IQCH: variants seen among roughly 807,000 people sequenced by gnomAD.
IQCH encodes the protein IQ domain-containing protein H.
Under a neutral mutation model 117.0 loss-of-function variants are expected in IQCH, and 98 were observed. The ratio of observed to expected loss-of-function variants is 0.84; its 90% confidence interval spans 0.71 to 0.99. The LOEUF (loss-of-function observed/expected upper bound fraction) is 0.99. IQCH is among the 50% of genes least tolerant of loss of function. The pLI is 0.00. For synonymous variants in IQCH, 412 were observed against 448.2 expected (o/e 0.92, Z 1.02); for missense variants, 1,102 against 1,243.8 (o/e 0.89, Z 1.72).
intron 4 of IQCH, among the ~76,000 whole-genome samples, chr15:67,326,586 G>T (rs549238654): frequency 1.8e-4 from 28 of 152,258 alleles, no homozygotes; most frequent in African/African-American, 6.5e-4. Flanking sequence ...CCCACCAGCG[G>T]TGTAAGGGTG....
chr15:67,321,174 TA>T (rs1388905136), intron 4 of IQCH, among the ~76,000 whole-genome samples: 1 of 152,226 alleles, frequency 6.6e-6, no homozygotes, highest in Non-Finnish European at 1.5e-5. Context: ...TGGGACATCA[TA>T]ATAGCTCTAC....
chr15:67,459,039 C>T lies in IQCH; in HGVS notation c.2506-6088C>T, dbSNP rs980258881. ...CTGGAGGCAACAGAGGGAGGATTCA[C>T]CCAGACTACTATCCCCAGTGAGTGA... On this transcript the variant is annotated intron_variant, in intron 16 of 20. Coordinates refer to ENST00000335894, the MANE Select transcript of IQCH (RefSeq NM_001031715.3). This position sits in a 1 kb window ranked among gnomAD's most constrained non-coding sequence, Gnocchi z 4.2. 1.3e-5 allele frequency among the ~76,000 whole-genome samples: 2 copies of T among 152,194 alleles called. No individual in the cohort carries two copies. Among genetic ancestry groups the T allele is most frequent in the African/African-American group, 4.8e-5 (2 of 41,442 alleles).
At chr15:67,286,635 A>T (rs1312600058) in intron 4 of IQCH, among the ~76,000 whole-genome samples, 1 of 146,004 alleles carries the variant, frequency 6.8e-6, no homozygotes, top group African/African-American at 2.5e-5. Flanking sequence ...TATTGAGTAG[A>T]GTCTCGTTCT....
chr15:67,284,130 T>C (rs1255985712), intron 4 of IQCH, among the ~76,000 whole-genome samples: 1 of 152,150 alleles, frequency 6.6e-6, no homozygotes, highest in Non-Finnish European at 1.5e-5. Flanking sequence ...TATCAAATAC[T>C]AGTTCTTATT....
intron 4 of IQCH, chr15:67,304,580 G>A (rs181134390): frequency 6.8e-5 from 33 of 485,310 alleles, no homozygotes; most frequent in African/African-American, 5.0e-4. Context: ...GGAATTTTTT[G>A]GAGATGAAAT....
chr15:67,422,817 C>T lies in IQCH; in HGVS notation c.2505+1240C>T, dbSNP rs552588959. Among the ~76,000 whole-genome samples, 1 of 152,288 alleles carries T rather than the reference C, an allele frequency of 6.6e-6. No individual in the cohort carries two copies. The highest frequency in any genetic ancestry group is 2.4e-5 in the African/African-American group (1 of 41,564). The stretch of plus-strand genomic sequence containing the variant: ...AAGTTCACTACTATTTCACAGGACT[C>T]GTGTTTTAAAATGTCCGGTTGCTCC... On this transcript the variant is annotated intron_variant, in intron 16 of 20. Coordinates refer to ENST00000335894, the MANE Select transcript of IQCH (RefSeq NM_001031715.3). This position sits in a 1 kb window ranked among gnomAD's most constrained non-coding sequence, Gnocchi z 4.7.
rs1971423050 is a variant in IQCH at position 67,395,239 on chromosome 15, T to C, written c.1633-52T>C. On this transcript the variant is annotated intron_variant, in intron 12 of 20. Coordinates refer to ENST00000335894, the MANE Select transcript of IQCH (RefSeq NM_001031715.3). This position sits in a 1 kb window ranked among gnomAD's most constrained non-coding sequence, Gnocchi z 4.0. ...TGTGCAACATTATAAATTAGGTGTA[T>C]GGACTAGAAAAAAGGACACCTTTTA... 7 of 1,557,580 alleles carry C rather than the reference T, an allele frequency of 4.5e-6. No homozygotes were observed. Among genetic ancestry groups the C allele is most frequent in the African/African-American group, 2.7e-5 (2 of 72,886 alleles).
intron 4 of IQCH, among the ~76,000 whole-genome samples, chr15:67,331,743 G>A (rs915166167): frequency 6.6e-6 from 1 of 152,126 alleles, no homozygotes; most frequent in African/African-American, 2.4e-5. Context: ...CTTTCATCTT[G>A]ATCTCCATCA....
rs760122918 is a variant in IQCH at position 67,372,270 on chromosome 15, G to A, written c.913G>A (p.Val305Ile). The change falls in exon 9 of 21, where the codon GTC becomes ATC. Residue 305 changes from valine to isoleucine, a missense_variant. Transcript: ENST00000335894. Reference sequence around the variant, plus strand: ...AGGTATTTTTTCTCTCTTGGAACACGTCGAGAAGTTTCTCAGGAACTATGC... The same window carrying A: ...AGGTATTTTTTCTCTCTTGGAACACATCGAGAAGTTTCTCAGGAACTATGC... ...WGGIFSLLEHVEKFLRNYAIP... is the reference protein window; with the variant it reads ...WGGIFSLLEHIEKFLRNYAIP... The A allele has an allele frequency of 4.3e-6, 7 of 1,614,008 alleles. No individual in the cohort carries two copies. The highest frequency in any genetic ancestry group is 1.7e-5 in the Admixed American group (1 of 59,990).
chr15:67,299,124 G>A (rs1041231403), intron 4 of IQCH, among the ~76,000 whole-genome samples: 2 of 151,190 alleles, frequency 1.3e-5, no homozygotes, highest in African/African-American at 4.9e-5. Flanking sequence ...CAACAACATG[G>A]ATAGAACTGG....
intron 16 of IQCH, among the ~76,000 whole-genome samples, chr15:67,442,581 G>T (rs1044757593): frequency 3.3e-5 from 5 of 152,058 alleles, no homozygotes; most frequent in Non-Finnish European, 5.9e-5. Flanking sequence ...ACTGCTGGTG[G>T]GAATGTAAAC....
At chr15:67,316,959 A>G (rs1967877507) in intron 4 of IQCH, among the ~76,000 whole-genome samples, 1 of 152,290 alleles carries the variant, frequency 6.6e-6, no homozygotes, top group Middle Eastern at 3.4e-3. Context: ...CTCTGCCCCA[A>G]TCTGAGGCAG....
rs2082044157 is a variant in IQCH, at chr15:67,432,631, CTG to C, written c.2505+11057_2505+11058del. The stretch of plus-strand genomic sequence containing the variant: ...CAGGAGCCCTCAGCAGGTGCTCAAA[CTG>C]TGAGTTGAATCAGAATTGAATTAGC... On this transcript the variant is annotated intron_variant, in intron 16 of 20. Transcript: ENST00000335894. This position sits in a 1 kb window ranked among gnomAD's most constrained non-coding sequence, Gnocchi z 5.0. 6.6e-6 allele frequency among the ~76,000 whole-genome samples: 1 copy of C among 152,176 alleles called. No homozygotes were observed. The highest frequency in any genetic ancestry group is 2.4e-5 in the African/African-American group (1 of 41,444).
At chr15:67,444,197 T>A (rs893434174) in intron 16 of IQCH, among the ~76,000 whole-genome samples, 7 of 152,386 alleles carry the variant, frequency 4.6e-5, no homozygotes, top group African/African-American at 9.6e-5. Flanking sequence ...CCTATTTTTT[T>A]AATATATTCC....
Position 67,254,877 on chromosome 15 carries a change from A to G in IQCH, c.-20A>G. 2 of 1,612,380 alleles carry G rather than the reference A, an allele frequency of 1.2e-6. No individual in the cohort carries two copies. The highest frequency in any genetic ancestry group is 1.7e-6 in the Non-Finnish European group (2 of 1,179,034). ...TTGGAAACCGCGCCTCCGCGGAGGT[A>G]GCCGTTCCCTGACCTAGCCATGGCA... On this transcript the variant is annotated 5_prime_UTR_variant, in exon 1 of 21. Coordinates refer to ENST00000335894, the MANE Select transcript of IQCH (RefSeq NM_001031715.3).
chr15:67,322,434 C>T (rs1250240337), intron 4 of IQCH, among the ~76,000 whole-genome samples: 2 of 152,146 alleles, frequency 1.3e-5, no homozygotes, highest in African/African-American at 2.4e-5. Context: ...TAAGTTCAGT[C>T]TGATAATCTC....
chr15:67,302,601 G>A (rs1039415318), intron 4 of IQCH, among the ~76,000 whole-genome samples: 1 of 152,214 alleles, frequency 6.6e-6, no homozygotes, highest in Non-Finnish European at 1.5e-5. Context: ...GCTCATGCCT[G>A]TAATCCCAGC....
At position 67,336,359 on chromosome 15, in the gene IQCH, C is replaced by T. The variant is rs114042401; in HGVS notation, c.388-616C>T. Reference sequence around the variant, plus strand: ...TATACAATCAAATGTGATTTATATGCAATATATGTAATCTTTAAAATCTAG... The same window carrying T: ...TATACAATCAAATGTGATTTATATGTAATATATGTAATCTTTAAAATCTAG... On this transcript the variant is annotated intron_variant, in intron 4 of 20. Transcript: ENST00000335894. Among the ~76,000 whole-genome samples, 992 of 152,130 alleles carry T rather than the reference C, an allele frequency of 6.5e-3. 11 individuals are homozygous for T. The highest frequency in any genetic ancestry group is 0.023 in the African/African-American group (952 of 41,512).
intron 4 of IQCH, among the ~76,000 whole-genome samples, chr15:67,280,703 G>A (rs1212589836): frequency 6.6e-6 from 1 of 151,978 alleles, no homozygotes; most frequent in Admixed American, 6.6e-5. Flanking sequence ...GGGAGGCGGG[G>A]CACAAACATT....
Sources: allele counts gnomAD v4.1 joint callset (sites outside exome capture counted in the v4.1 genomes callset), GRCh38; gene constraint gnomAD v4.1.1; non-coding constraint Gnocchi (gnomAD v3.1); transcripts MANE v1.5; gene names NCBI Gene and HGNC (gene_info 2026-07-23, HGNC 2026-07-21).